FNBP4: variants seen among roughly 807,000 people sequenced by gnomAD.
FNBP4 encodes the protein formin binding protein 4, also known as formin-binding protein 4.
FNBP4 carries 34 observed loss-of-function variants against 119.3 expected under a neutral mutation model. The ratio of observed to expected loss-of-function variants is 0.28; its 90% CI spans 0.22 to 0.38. The LOEUF is 0.38. FNBP4 is among the 10% of genes least tolerant of loss of function. FNBP4 has a pLI of 1.00. For missense variants in FNBP4, 1,112 were observed against 1,228.9 expected (o/e 0.90, Z 1.42); for synonymous variants, 462 against 430.6 (o/e 1.07, Z -0.90).
Position 47,765,256 on chromosome 11 carries a change from A to G in FNBP4, c.313+14T>C. The stretch of plus-strand genomic sequence containing the variant: ...CGTGGGAGAAAAAATGTAAAAAACA[A>G]AACAAAAGCATACCTGTTGCTTTAA... On this transcript the variant is annotated intron_variant, in intron 2 of 16. Coordinates refer to ENST00000263773, the MANE Select transcript of FNBP4 (RefSeq NM_015308.5). 1 of 1,576,980 alleles carries G rather than the reference A, an allele frequency of 6.3e-7. No individual in the cohort carries two copies. Among genetic ancestry groups the G allele is most frequent in the Non-Finnish European group, 8.6e-7 (1 of 1,160,868 alleles).
At chr11:47,750,084 A>T (rs1412984324) in intron 6 of FNBP4, among the ~76,000 whole-genome samples, 3 of 152,098 alleles carry the variant, frequency 2.0e-5, no homozygotes. Context: ...GCTCTCAAAG[A>T]AAAAGTGAAG....
Position 47,731,416 on chromosome 11 carries a change from C to T in FNBP4, c.1966G>A (p.Gly656Ser). The T allele has an allele frequency of 1.2e-6, 2 of 1,613,674 alleles. No homozygotes were observed. Among genetic ancestry groups the T allele is most frequent in the Middle Eastern group, 1.6e-4 (1 of 6,062 alleles). ...LAKQTLKDKT[G>S]TDSNSTESSE... The stretch of plus-strand genomic sequence containing the variant: ...GATTCTGTTGAATTTGAATCAGTGC[C>T]AGTTTTGTCTTTCAAGGTCTGTTTG... The change falls in exon 12 of 17, where the codon GGC (glycine) becomes AGC (serine). Residue 656 changes from glycine to serine, a missense_variant. Around this residue, in one of 2 missense-constraint regions of FNBP4, gnomAD observed 826 missense variants for 988.8 expected, o/e 0.84. Coordinates refer to ENST00000263773, the MANE Select transcript of FNBP4 (RefSeq NM_015308.5).
rs756060125 is a variant in FNBP4 at position 47,744,161 on chromosome 11, T to C, written c.1248A>G (p.Ala416=). 1.5e-5 allele frequency: 24 copies of C among 1,613,628 alleles called. No individual in the cohort carries two copies. Among genetic ancestry groups the C allele is most frequent in the Non-Finnish European group, 2.0e-5 (24 of 1,179,726 alleles). ...ELELVLERKK[A]ELRALEEGDG... ...CTCCTTCCTCCAAGGCTCGCAACTC[T>C]GCCTACAAAGAACATGACAATTAAG... is the stretch of plus-strand genomic sequence containing the variant. Residue 416 remains alanine, a splice_region_variant and synonymous_variant, in exon 8 of 17, where the codon GCA becomes GCG. Transcript: ENST00000263773.
At chr11:47,722,426 C>T (rs1290584192) in intron 15 of FNBP4, among the ~76,000 whole-genome samples, 1 of 151,672 alleles carries the variant, frequency 6.6e-6, no homozygotes, top group Non-Finnish European at 1.5e-5. Flanking sequence ...TTTGAAGACC[C>T]GTCTGGGTGA....
chr11:47,717,522 C>T lies in FNBP4; in HGVS notation c.2964-10G>A. Reference sequence around the variant, plus strand: ...TCTCTCTGCCATGCCACTGTGAAAACAACATACAGATTATTTTAGTGGAAA... The same window carrying T: ...TCTCTCTGCCATGCCACTGTGAAAATAACATACAGATTATTTTAGTGGAAA... On this transcript the variant is annotated splice_polypyrimidine_tract_variant and intron_variant, in intron 16 of 16. Transcript: ENST00000263773. The T allele has an allele frequency of 6.3e-7, 1 of 1,590,246 alleles. No homozygotes were observed. The highest frequency in any genetic ancestry group is 8.6e-7 in the Non-Finnish European group (1 of 1,161,774).
At chr11:47,720,117 A>G in intron 15 of FNBP4, 31 bp from the exon 16 acceptor site, 1 of 1,589,832 alleles carries the variant, frequency 6.3e-7, no homozygotes, top group Non-Finnish European at 8.6e-7. Context: ...CAAAAGGAAT[A>G]GAAAACATAA....
chr11:47,734,668 C>A (rs1017902780), intron 9 of FNBP4, among the ~76,000 whole-genome samples: 4 of 152,072 alleles, frequency 2.6e-5, no homozygotes, highest in African/African-American at 9.7e-5. Context: ...AGAATACAAA[C>A]TTTCAGTTAT....
At chr11:47,764,858 T>C (rs2097643446) in intron 2 of FNBP4, among the ~76,000 whole-genome samples, 1 of 152,192 alleles carries the variant, frequency 6.6e-6, no homozygotes, top group Non-Finnish European at 1.5e-5. Context: ...AAAACCACTG[T>C]TGCAACTATG....
chr11:47,736,385 G>A (rs1302685372), intron 9 of FNBP4, among the ~76,000 whole-genome samples: 11 of 151,948 alleles, frequency 7.2e-5, no homozygotes, highest in African/African-American at 2.4e-4. Context: ...GTGAAACCCC[G>A]TTTCTACTAA....
Position 47,724,765 on chromosome 11 carries a change from T to C in FNBP4, c.2022A>G (p.Lys674=), listed in dbSNP as rs1349523340. ...SSETSTGSLC[K]ESFSGQVSSS... is the part of the protein sequence containing the mutation. The stretch of plus-strand genomic sequence containing the variant: ...AAGAAACTTGACCAGAAAAGGATTC[T>C]TTACAAAGAGAACCTATGAAAACAG... Residue 674 remains lysine, a synonymous_variant, in exon 13 of 17, where the codon AAA becomes AAG. Transcript: ENST00000263773. 2 of 1,554,154 alleles carry C rather than the reference T, an allele frequency of 1.3e-6. No individual in the cohort carries two copies. The highest frequency in any genetic ancestry group is 2.3e-5 in the East Asian group (1 of 44,254).
At chr11:47,742,322 C>G (rs2097583145) in intron 8 of FNBP4, among the ~76,000 whole-genome samples, 1 of 148,546 alleles carries the variant, frequency 6.7e-6, no homozygotes, top group Non-Finnish European at 1.5e-5. Context: ...CCACTAACAA[C>G]ACAAAAACTA....
chr11:47,762,398 A>G (rs953016400), intron 2 of FNBP4, among the ~76,000 whole-genome samples: 17 of 152,030 alleles, frequency 1.1e-4, no homozygotes, highest in African/African-American at 3.9e-4. Flanking sequence ...AAGTGCTGGA[A>G]TTACACGCGT....
chr11:47,733,383 G>C (rs1160911576), intron 10 of FNBP4, among the ~76,000 whole-genome samples: 1 of 151,802 alleles, frequency 6.6e-6, no homozygotes, highest in African/African-American at 2.4e-5. Context: ...CTGTTGCCCA[G>C]GCTAGAGTAC....
Position 47,717,124 on chromosome 11 carries a change from T to C in FNBP4, c.*298A>G, listed in dbSNP as rs114776788. On this transcript the variant is annotated 3_prime_UTR_variant, in exon 17 of 17. Coordinates refer to ENST00000263773, the MANE Select transcript of FNBP4 (RefSeq NM_015308.5). Reference sequence around the variant, plus strand: ...CAGGGAGTCCTCTACAGAAGTGTTATACTCATGAGCCACATGTTCTTCAAG... The same window carrying C: ...CAGGGAGTCCTCTACAGAAGTGTTACACTCATGAGCCACATGTTCTTCAAG... 722 of 249,180 alleles carry C rather than the reference T, an allele frequency of 2.9e-3. 3 individuals carry two copies. Among genetic ancestry groups the C allele is most frequent in the Middle Eastern group, 0.013 (9 of 712 alleles). 15.4% of individuals were successfully genotyped at this position (249,180 alleles called of 1,614,324 possible).
Position 47,744,053 on chromosome 11 carries a change from T to A in FNBP4, c.1356A>T (p.Lys452Asn). The change falls in exon 8 of 17, where the codon AAA becomes AAT. Residue 452 changes from lysine (K) to asparagine (N), a missense_variant. Lys to Asn is a moderately conservative substitution (Grantham distance 94). This residue lies in a region of FNBP4 where 826 missense variants were observed against 988.8 expected (regional missense o/e 0.84). Transcript: ENST00000263773. ...GAACAAACATCTTCCATTTTCCTCT[T>A]TTAGACATAAGCCTACGCATTCCAT... Reference protein sequence around the residue: ...SQDGMRRLMSKRGKWKMFVRA... With the variant: ...SQDGMRRLMSNRGKWKMFVRA... The A allele has an allele frequency of 6.2e-7, 1 of 1,614,134 alleles. No homozygotes were observed. The highest frequency in any genetic ancestry group is 8.5e-7 in the Non-Finnish European group (1 of 1,180,020).
chr11:47,742,359 A>G (rs1249994324), intron 8 of FNBP4, among the ~76,000 whole-genome samples: 1 of 150,750 alleles, frequency 6.6e-6, no homozygotes, highest in Non-Finnish European at 1.5e-5. Context: ...GGCGCCTGTA[A>G]TCCCAGCTAC....
At chr11:47,723,421 T>C in intron 14 of FNBP4, 105 bp from the exon 15 acceptor site, 2 of 1,480,218 alleles carry the variant, frequency 1.4e-6, no homozygotes, top group Non-Finnish European at 1.8e-6. Context: ...ATGATTCCAA[T>C]ATATCCTTTT....
rs2097568550 is a variant in FNBP4 at position 47,732,448 on chromosome 11, A to G, written c.1820+89T>C. On this transcript the variant is annotated intron_variant, in intron 11 of 16. Transcript: ENST00000263773. The surrounding 1 kb of genome is among the most constrained non-coding windows in gnomAD (Gnocchi z 4.2). ...AACTGCAGCTGCTCTCAGTCTCCAG[A>G]CAGGCTGTCATGTCGTCAGATGGTG... 6.3e-7 allele frequency: 1 copy of G among 1,583,654 alleles called. No homozygotes were observed. Among genetic ancestry groups the G allele is most frequent in the Non-Finnish European group, 8.6e-7 (1 of 1,162,352 alleles).
rs2097568189 is a variant in FNBP4, at chr11:47,732,166, G to A, written c.1820+371C>T. On this transcript the variant is annotated intron_variant, in intron 11 of 16. Transcript: ENST00000263773. The surrounding 1 kb of genome is among the most constrained non-coding windows in gnomAD (Gnocchi z 4.2). Reference sequence around the variant, plus strand: ...GTTCTTCATTCACATCTTCAGCCACGAAGTTTTCCTTAACTTCACCGAGGT... The same window carrying A: ...GTTCTTCATTCACATCTTCAGCCACAAAGTTTTCCTTAACTTCACCGAGGT... The A allele has an allele frequency of 9.8e-7, 1 of 1,018,884 alleles. No homozygotes were observed. The highest frequency in any genetic ancestry group is 1.2e-6 in the Non-Finnish European group (1 of 852,238). The allele number at this position is 1,018,884 out of a possible 1,614,324, so 63.1% of individuals were successfully genotyped here. A position where few individuals can be genotyped will look rare whatever the true frequency, so the allele number is the denominator to read the frequency against.
Sources: gnomAD v4.1 joint callset for allele counts (sites outside exome capture counted in the v4.1 genomes callset) on GRCh38, gnomAD v4.1.1 for gene constraint, gnomAD v4.1.1 regional missense constraint, Gnocchi (gnomAD v3.1) non-coding constraint, MANE v1.5 for transcripts, NCBI Gene and HGNC (gene_info 2026-07-23, HGNC 2026-07-21) for gene names.